Variants in NTNG1 observed in about 807,000 individuals in gnomAD.
NTNG1 encodes netrin-G1.
A neutral mutation model predicts 54.0 loss-of-function variants in NTNG1; 16 were observed. That is an observed-to-expected ratio of 0.30 (90% CI 0.20 to 0.45). The LOEUF (loss-of-function observed/expected upper bound fraction) is 0.45, where lower values mean the gene tolerates loss of function less well. NTNG1 is among the 20% of genes least tolerant of loss of function. The pLI is 1.00. For synonymous variants in NTNG1, 255 were observed against 263.1 expected (o/e 0.97, Z 0.30); for missense variants, 530 against 678.7 (o/e 0.78, Z 2.43).
At position 107,431,138 on chromosome 1, in the gene NTNG1, G is replaced by T. The variant is rs555830551; in HGVS notation, c.1255+221G>T. Among the ~76,000 whole-genome samples the T allele has an allele frequency of 7.2e-5, 11 of 152,154 alleles. No homozygotes were observed. In the South Asian group the frequency reaches 2.3e-3, roughly 32 times the overall value. On this transcript the variant is annotated intron_variant, in intron 6 of 7. Coordinates refer to ENST00000370068, the MANE Select transcript of NTNG1 (RefSeq NM_001113226.3). Reference sequence around the variant, plus strand: ...ACCCTTATGTTGTTGCTTTAAATATGATGATCTCAGAAATCATGTTAAAGA... The same window carrying T: ...ACCCTTATGTTGTTGCTTTAAATATTATGATCTCAGAAATCATGTTAAAGA...
At chr1:107,261,821 C>A (rs927220336) in intron 2 of NTNG1, among the ~76,000 whole-genome samples, 4 of 152,022 alleles carry the variant, frequency 2.6e-5, no homozygotes, top group Admixed American at 6.5e-5. Context: ...CCAGCCTGGG[C>A]GACAGAGTGA....
intron 7 of NTNG1, among the ~76,000 whole-genome samples, chr1:107,438,752 G>A (rs1675766595): frequency 1.3e-5 from 2 of 152,190 alleles, no homozygotes; most frequent in South Asian, 2.1e-4. Flanking sequence ...ATCTCAAAAA[G>A]GACCTAACCC....
At chr1:107,186,056 C>T (rs1012527449) in intron 2 of NTNG1, among the ~76,000 whole-genome samples, 1 of 152,110 alleles carries the variant, frequency 6.6e-6, no homozygotes, top group Non-Finnish European at 1.5e-5. Context: ...TCTCCAATAT[C>T]TATTATTCCA....
chr1:107,201,107 C>T (rs1403253527), intron 2 of NTNG1, among the ~76,000 whole-genome samples: 2 of 151,912 alleles, frequency 1.3e-5, no homozygotes, highest in Non-Finnish European at 2.9e-5. Context: ...ATATTATCCT[C>T]AAAAACTTGT....
chr1:107,440,144 G>A (rs567391535), intron 7 of NTNG1, among the ~76,000 whole-genome samples: 2 of 152,154 alleles, frequency 1.3e-5, no homozygotes, highest in Admixed American at 6.5e-5. Flanking sequence ...ATTTAGGTAG[G>A]CACTGCCAGG....
chr1:107,376,572 C>T (rs375545460), intron 3 of NTNG1, among the ~76,000 whole-genome samples: 1 of 152,170 alleles, frequency 6.6e-6, no homozygotes, highest in Admixed American at 6.5e-5. Context: ...AGATCCTACC[C>T]ACTCTGCCGT....
rs3813220 is a variant in NTNG1, at chr1:107,484,862, C to T, written c.*4022C>T. 6.2e-4 allele frequency among the ~76,000 whole-genome samples: 95 copies of T among 152,300 alleles called. 1 individual carries two copies. The East Asian group carries it at 0.014, about 22-fold the overall frequency. On this transcript the variant is annotated 3_prime_UTR_variant, in exon 8 of 8. Coordinates refer to ENST00000370068, the MANE Select transcript of NTNG1 (RefSeq NM_001113226.3). ...TGGGAAATGGGTTGTTGTACTTTACCGGTTGTTAAACACTAAATAAAATAC... is the reference window on the plus strand; with the variant it reads ...TGGGAAATGGGTTGTTGTACTTTACTGGTTGTTAAACACTAAATAAAATAC...
chr1:107,463,592 G>A (rs1234844031), intron 7 of NTNG1, among the ~76,000 whole-genome samples: 1 of 150,828 alleles, frequency 6.6e-6, no homozygotes, highest in Admixed American at 6.6e-5. Flanking sequence ...AATAGAAAAT[G>A]AATAATCTAT....
chr1:107,198,609 T>A (rs1658510676), intron 2 of NTNG1, among the ~76,000 whole-genome samples: 1 of 151,752 alleles, frequency 6.6e-6, no homozygotes. Context: ...TTGGGGAGAG[T>A]AAACATGTAA....
chr1:107,474,204 A>G (rs1047882151), intron 7 of NTNG1, among the ~76,000 whole-genome samples: 3 of 152,200 alleles, frequency 2.0e-5, no homozygotes, highest in Admixed American at 6.5e-5. Flanking sequence ...GTTTACTGAC[A>G]TAGGACACTC....
At chr1:107,320,661 C>CTTT (rs59983037) in intron 2 of NTNG1, among the ~76,000 whole-genome samples, 1 of 133,104 alleles carries the variant, frequency 7.5e-6, no homozygotes, top group Non-Finnish European at 1.6e-5. Flanking sequence ...CACCTTTCAT[C>CTTT]TTTTTTTTTT....
chr1:107,467,599 A>G (rs1397806549), intron 7 of NTNG1, among the ~76,000 whole-genome samples: 1 of 152,184 alleles, frequency 6.6e-6, no homozygotes, highest in Non-Finnish European at 1.5e-5. Context: ...TGAAATCCAG[A>G]CTTCTGGACA....
chr1:107,218,266 G>A (rs1220871773), intron 2 of NTNG1, among the ~76,000 whole-genome samples: 1 of 152,100 alleles, frequency 6.6e-6, no homozygotes, highest in Non-Finnish European at 1.5e-5. Flanking sequence ...TATAAGAATA[G>A]CTACTCCTGG....
Position 107,430,773 on chromosome 1 carries a change from A to G in NTNG1, c.1111A>G (p.Asn371Asp), listed in dbSNP as rs779607894. The part of the protein sequence containing the change: ...IGNCECFGHS[N>D]RCSYIDLLNT... Reference sequence around the variant, plus strand: ...AGATTGTGAATGCTTCGGCCACTCCAATCGATGCAGTTATATCGATCTGCT... The same window carrying G: ...AGATTGTGAATGCTTCGGCCACTCCGATCGATGCAGTTATATCGATCTGCT... The change falls in exon 6 of 8, where the codon AAT becomes GAT. Residue 371 changes from asparagine (N) to aspartate (D), a missense_variant. By Grantham distance (23) the Asn-to-Asp change is conservative. Coordinates refer to ENST00000370068, the MANE Select transcript of NTNG1 (RefSeq NM_001113226.3). 1.2e-5 allele frequency: 20 copies of G among 1,613,292 alleles called. No individual in the cohort carries two copies. The highest frequency in any genetic ancestry group is 1.2e-5 in the Non-Finnish European group (14 of 1,179,600).
chr1:107,439,508 TCTAG>T (rs1418450648), intron 7 of NTNG1, among the ~76,000 whole-genome samples: 1 of 152,082 alleles, frequency 6.6e-6, no homozygotes, highest in African/African-American at 2.4e-5. Context: ...AAAAGATTAT[TCTAG>T]CTACTAAGTA....
chr1:107,373,455 GT>G (rs1671047985), intron 3 of NTNG1, among the ~76,000 whole-genome samples: 1 of 150,588 alleles, frequency 6.6e-6, no homozygotes, highest in Non-Finnish European at 1.5e-5. Flanking sequence ...TATCATTTTT[GT>G]TTTAACAATT....
At chr1:107,431,591 A>G (rs1675270256) in intron 6 of NTNG1, among the ~76,000 whole-genome samples, 1 of 152,024 alleles carries the variant, frequency 6.6e-6, no homozygotes, top group Non-Finnish European at 1.5e-5. Flanking sequence ...CCTCCCCACC[A>G]ATGACTACTG....
chr1:107,457,327 CAT>C (rs1450886015), intron 7 of NTNG1, among the ~76,000 whole-genome samples: 1 of 152,182 alleles, frequency 6.6e-6, no homozygotes, highest in East Asian at 1.9e-4. Context: ...AAGAGCAGTA[CAT>C]ATTTGGAAAA....
intron 7 of NTNG1, among the ~76,000 whole-genome samples, chr1:107,468,694 T>TA (rs1677762020): frequency 6.6e-6 from 1 of 152,178 alleles, no homozygotes; most frequent in Non-Finnish European, 1.5e-5. Flanking sequence ...CTCAATTAAA[T>TA]AAAAAAAGTC....
Sources: allele counts gnomAD v4.1 joint callset (sites outside exome capture counted in the v4.1 genomes callset), GRCh38; gene constraint gnomAD v4.1.1; transcripts MANE v1.5; gene names NCBI Gene and HGNC (gene_info 2026-07-23, HGNC 2026-07-21).